The following ANKRD6 variants were observed in gnomAD, a reference collection of about 807,000 sequenced individuals.
ANKRD6 encodes ankyrin repeat domain 6, also known as ankyrin repeat domain-containing protein 6.
Under a neutral mutation model 82.3 loss-of-function variants are expected in ANKRD6, and 56 were observed. The observed-to-expected ratio is 0.68, with a 90% CI of 0.55 to 0.85. ANKRD6 has a LOEUF of 0.85. Ranked by LOEUF, ANKRD6 falls within the 40% of genes least tolerant of loss-of-function variation. The probability of loss-of-function intolerance (pLI) is 0.00; values close to 1 mark genes in which losing one functional copy is unlikely to be tolerated. For missense variants in ANKRD6, 852 were observed against 907.6 expected, an observed-to-expected ratio of 0.94 and a Z score of 0.79; for synonymous variants, 347 against 352.1, an observed-to-expected ratio of 0.99 and a Z score of 0.16.
intron 1 of ANKRD6, among the ~76,000 whole-genome samples, chr6:89,522,188 T>C (rs1424359671): frequency 6.6e-6 from 1 of 152,214 alleles, no homozygotes; most frequent in Non-Finnish European, 1.5e-5. Context: ...AGTTAACTTC[T>C]GGCCTGCAAG....
intron 1 of ANKRD6, among the ~76,000 whole-genome samples, chr6:89,466,685 G>GT (rs1156624454): frequency 8.6e-5 from 13 of 151,776 alleles, no homozygotes; most frequent in East Asian, 3.9e-4. Context: ...TTTGTAAGAG[G>GT]TTTTTTTTGT....
rs376683497 is a variant in ANKRD6, at chr6:89,621,907, G to A, written c.793-15G>A. On this transcript the variant is annotated splice_polypyrimidine_tract_variant and intron_variant, in intron 9 of 15. Coordinates refer to ENST00000339746, the MANE Select transcript of ANKRD6 (RefSeq NM_001242809.2). ...GCACACCAGTGGTTGTAACAATGCC[G>A]TTTGCCTCCTTCAGGTCTTGCGCTT... is the stretch of plus-strand genomic sequence containing the variant. 71 of 1,612,658 alleles carry A rather than the reference G, an allele frequency of 4.4e-5. 1 individual carries two copies. In the Middle Eastern group the frequency reaches 2.0e-3, roughly 45 times the overall value.
At position 89,632,826 on chromosome 6, in the gene ANKRD6, T is replaced by C. The variant is rs746210943; in HGVS notation, c.*1822T>C. The C allele has an allele frequency of 1.5e-4, 23 of 152,300 alleles. No homozygotes were observed. The highest frequency in any genetic ancestry group is 6.8e-3 in the Middle Eastern group (2 of 294). The allele number at this position is 152,300 out of a possible 1,614,324, so 9.4% of individuals were successfully genotyped here. ...TCTAAATCTATTCTCAAACAGGATA[T>C]CACTAACCTCTTTAGAATCATTCCT... On this transcript the variant is annotated 3_prime_UTR_variant, in exon 16 of 16. Transcript: ENST00000339746.
At chr6:89,457,895 A>G (rs1392167002) in intron 1 of ANKRD6, among the ~76,000 whole-genome samples, 1 of 152,138 alleles carries the variant, frequency 6.6e-6, no homozygotes, top group Non-Finnish European at 1.5e-5. Flanking sequence ...CCTCAATGTG[A>G]TGGTACTAGG....
In ANKRD6 at chr6:89,630,985, G is replaced by A. The variant is rs975749860; in HGVS notation, c.2165G>A (p.Arg722Lys). 6.5e-6 allele frequency: 10 copies of A among 1,539,014 alleles called. No homozygotes were observed. Among genetic ancestry groups the A allele is most frequent in the Admixed American group, 4.6e-5 (2 of 43,666 alleles). The change falls in exon 16 of 16, where the codon AGG (arginine) becomes AAG (lysine). Residue 722 changes from arginine (R) to lysine (K), a missense_variant. By Grantham distance (26) the Arg-to-Lys change is conservative (BLOSUM62 2). Coordinates refer to ENST00000339746, the MANE Select transcript of ANKRD6 (RefSeq NM_001242809.2). ...LEEELAKLRTRVQKEN is the reference protein window; with the variant it reads ...LEEELAKLRTKVQKEN ...GAGGAACTTGCCAAACTAAGGACTAGGGTGCAGAAGGAAAATTAGCACCAA... is the reference window on the plus strand; with the variant it reads ...GAGGAACTTGCCAAACTAAGGACTAAGGTGCAGAAGGAAAATTAGCACCAA...
chr6:89,476,172 T>C (rs1039548354), intron 1 of ANKRD6, among the ~76,000 whole-genome samples: 1 of 152,122 alleles, frequency 6.6e-6, no homozygotes. Flanking sequence ...TTTGTGTTTT[T>C]GTTTTTTTGT....
At chr6:89,443,691 C>T (rs1771711999) in intron 1 of ANKRD6, among the ~76,000 whole-genome samples, 1 of 152,072 alleles carries the variant, frequency 6.6e-6, no homozygotes, top group African/African-American at 2.4e-5. Flanking sequence ...GAGGCTGGCA[C>T]CCTTTAAATA....
At chr6:89,556,522 A>G (rs1264991511) in intron 1 of ANKRD6, among the ~76,000 whole-genome samples, 1 of 152,272 alleles carries the variant, frequency 6.6e-6, no homozygotes, top group Non-Finnish European at 1.5e-5. Context: ...CTGCAGAAGC[A>G]GATTTCCATA....
chr6:89,533,783 C>T (rs1783489725), intron 1 of ANKRD6, among the ~76,000 whole-genome samples: 1 of 141,850 alleles, frequency 7.0e-6, no homozygotes, highest in African/African-American at 2.7e-5. Flanking sequence ...AATGCTTCTC[C>T]ATGACCAGTG....
intron 1 of ANKRD6, among the ~76,000 whole-genome samples, chr6:89,473,118 A>T (rs1321256784): frequency 6.6e-6 from 1 of 151,506 alleles, no homozygotes; most frequent in Non-Finnish European, 1.5e-5. Context: ...TTGTTTCATT[A>T]AAAAAAATTT....
rs191304042 is a variant in ANKRD6, at chr6:89,446,846, C to T, written c.-144+13471C>T. Among the ~76,000 whole-genome samples the T allele has an allele frequency of 2.0e-4, 30 of 152,250 alleles. No homozygotes were observed. In the East Asian group the frequency reaches 4.6e-3, roughly 23 times the overall value. On this transcript the variant is annotated intron_variant, in intron 1 of 15. Transcript: ENST00000339746. ...CTCTTCTTGTGATAGTGAGTTCTCACGAGATTGGATAGTTTTATAAGGGGC... is the reference window on the plus strand; with the variant it reads ...CTCTTCTTGTGATAGTGAGTTCTCATGAGATTGGATAGTTTTATAAGGGGC...
At chr6:89,597,054 T>C (rs891165406) in intron 3 of ANKRD6, among the ~76,000 whole-genome samples, 2 of 152,208 alleles carry the variant, frequency 1.3e-5, no homozygotes, top group African/African-American at 4.8e-5. Context: ...TTTGGGTCTG[T>C]GTATAATGTC....
At chr6:89,481,830 C>G (rs55926535) in intron 1 of ANKRD6, among the ~76,000 whole-genome samples, 8,471 of 152,120 alleles carry the variant, frequency 0.056, 263 homozygotes, top group South Asian at 0.13. Flanking sequence ...ACTGGTGGTA[C>G]TGGTGGTGCT....
chr6:89,506,041 C>T (rs1400361322), intron 1 of ANKRD6, among the ~76,000 whole-genome samples: 9 of 151,836 alleles, frequency 5.9e-5, no homozygotes, highest in African/African-American at 1.5e-4. Context: ...AAGGTAGTTG[C>T]GGGGGCTGGG....
chr6:89,544,905 C>G (rs1023817818), intron 1 of ANKRD6, among the ~76,000 whole-genome samples: 1 of 151,904 alleles, frequency 6.6e-6, no homozygotes, highest in Non-Finnish European at 1.5e-5. Flanking sequence ...AGAGGTTGCT[C>G]TCCTCTAGTA....
Position 89,536,455 on chromosome 6 carries a change from G to A in ANKRD6, c.-143-30379G>A, listed in dbSNP as rs549332164. Among the ~76,000 whole-genome samples the A allele has an allele frequency of 2.8e-4, 43 of 152,352 alleles. 2 individuals are homozygous for A. In the South Asian group the frequency reaches 4.1e-3, roughly 15 times the overall value. On this transcript the variant is annotated intron_variant, in intron 1 of 15. Coordinates refer to ENST00000339746, the MANE Select transcript of ANKRD6 (RefSeq NM_001242809.2). Reference sequence around the variant, plus strand: ...CACTATTGAGAAGAAAGTGTGTGCTGCCATGAACTCAACTCTGCATTGCTT... The same window carrying A: ...CACTATTGAGAAGAAAGTGTGTGCTACCATGAACTCAACTCTGCATTGCTT...
chr6:89,486,667 T>C (rs1003355366), intron 1 of ANKRD6, among the ~76,000 whole-genome samples: 3 of 151,972 alleles, frequency 2.0e-5, no homozygotes, highest in Non-Finnish European at 4.4e-5. Flanking sequence ...AGAGATGGAG[T>C]CTCACCATCT....
At chr6:89,627,355 T>A (rs1806052453) in intron 13 of ANKRD6, among the ~76,000 whole-genome samples, 1 of 152,230 alleles carries the variant, frequency 6.6e-6, no homozygotes, top group Non-Finnish European at 1.5e-5. Flanking sequence ...CCTCTTAAAC[T>A]TTAACAAATA....
chr6:89,524,109 A>G (rs138945987), intron 1 of ANKRD6, among the ~76,000 whole-genome samples: 1,565 of 152,228 alleles, frequency 0.01, 43 homozygotes, highest in African/African-American at 0.036. Context: ...TTGCACCCAC[A>G]GGAGCTCTTT....
Sources: allele counts gnomAD v4.1 joint callset (sites outside exome capture counted in the v4.1 genomes callset), GRCh38; gene constraint gnomAD v4.1.1; transcripts MANE v1.5; gene names NCBI Gene and HGNC (gene_info 2026-07-23, HGNC 2026-07-21).